The following DIP2B variants were observed in gnomAD, a reference collection of about 807,000 sequenced individuals.
DIP2B encodes the protein disco-interacting protein 2 homolog B.
A neutral mutation model predicts 198.0 loss-of-function variants in DIP2B; 76 were observed. That is an observed-to-expected ratio of 0.38 (90% CI 0.32 to 0.46). The LOEUF (loss-of-function observed/expected upper bound fraction) is 0.46. DIP2B is among the 20% of genes least tolerant of loss of function. The probability of loss-of-function intolerance (pLI) is 0.99; values close to 1 mark genes in which losing one functional copy is unlikely to be tolerated. For synonymous variants in DIP2B, 701 were observed against 739.1 expected (o/e 0.95, Z 0.84); for missense variants, 1,559 against 1,978.4 (o/e 0.79, Z 4.02).
chr12:50,544,066 A>G (rs1565819198), intron 1 of DIP2B, among the ~76,000 whole-genome samples: 2 of 150,728 alleles, frequency 1.3e-5, no homozygotes, highest in Non-Finnish European at 3.0e-5. Context: ...CGTCTCTACT[A>G]AAATACAAAA....
chr12:50,610,328 T>G (rs1357638955), intron 1 of DIP2B, among the ~76,000 whole-genome samples: 1 of 152,090 alleles, frequency 6.6e-6, no homozygotes, highest in Admixed American at 6.6e-5. Flanking sequence ...TAATTGCTAG[T>G]TTTGATTGTG....
intron 4 of DIP2B, among the ~76,000 whole-genome samples, chr12:50,667,576 C>T (rs1938777564): frequency 6.6e-6 from 1 of 152,136 alleles, no homozygotes; most frequent in South Asian, 2.1e-4. Flanking sequence ...ACTACATAAT[C>T]GTCTTTTAAC....
Position 50,557,974 on chromosome 12 carries a change from AT to A in DIP2B, c.100+52735del, listed in dbSNP as rs756469619. ...TTAGCCTATGTAACAGAGAGACCCC[AT>A]CTCTATAAAAAACAAAAAATAAGGA... On this transcript the variant is annotated intron_variant, in intron 1 of 37. Transcript: ENST00000301180. Among the ~76,000 whole-genome samples, 163 of 152,222 alleles carry A rather than the reference AT, an allele frequency of 1.1e-3. 1 individual carries two copies. The highest frequency in any genetic ancestry group is 2.1e-3 in the Admixed American group (32 of 15,282).
Position 50,596,541 on chromosome 12 carries a change from A to C in DIP2B, c.101-29435A>C, listed in dbSNP as rs541077682. On this transcript the variant is annotated intron_variant, in intron 1 of 37. Transcript: ENST00000301180. ...GGTTGACCTGGTTTGGATGATCCTA[A>C]AAGAGACAGTTTTCAAGTGGAATTA... Among the ~76,000 whole-genome samples, 3 of 152,290 alleles carry C rather than the reference A, an allele frequency of 2.0e-5. No homozygotes were observed. The East Asian group carries it at 5.8e-4, about 29-fold the overall frequency.
chr12:50,602,376 C>T (rs911841323), intron 1 of DIP2B, among the ~76,000 whole-genome samples: 6 of 152,128 alleles, frequency 3.9e-5, no homozygotes, highest in Non-Finnish European at 5.9e-5. Flanking sequence ...TCAAGCCATC[C>T]TCCCACCTCA....
At chr12:50,613,026 C>G (rs150290853) in intron 1 of DIP2B, among the ~76,000 whole-genome samples, 1 of 152,230 alleles carries the variant, frequency 6.6e-6, no homozygotes, top group Non-Finnish European at 1.5e-5. Flanking sequence ...ATGTGCCTCC[C>G]GTTACTGTAG....
intron 1 of DIP2B, among the ~76,000 whole-genome samples, chr12:50,593,890 C>T (rs1290426735): frequency 3.1e-5 from 1 of 32,494 alleles, no homozygotes; most frequent in African/African-American, 1.5e-4. Flanking sequence ...CCCTCTCCTC[C>T]CCTCCCCTCT....
chr12:50,529,349 GA>G (rs1958195684), intron 1 of DIP2B, among the ~76,000 whole-genome samples: 1 of 152,158 alleles, frequency 6.6e-6, no homozygotes, highest in Non-Finnish European at 1.5e-5. Context: ...TGTCATAAGG[GA>G]GACATGTTCA....
At chr12:50,743,571 T>G (rs1223804223) in intron 37 of DIP2B, 1 of 152,164 alleles carries the variant, frequency 6.6e-6, no homozygotes, top group East Asian at 1.9e-4. Context: ...TGCCTTAGGG[T>G]GGTCTGAAGG....
intron 2 of DIP2B, among the ~76,000 whole-genome samples, chr12:50,628,134 G>C (rs1351577355): frequency 6.6e-6 from 1 of 152,176 alleles, no homozygotes; most frequent in African/African-American, 2.4e-5. Context: ...ACTTTGGGAG[G>C]CCGAGGCGGG....
intron 4 of DIP2B, among the ~76,000 whole-genome samples, chr12:50,669,436 T>C (rs1384256574): frequency 1.3e-5 from 2 of 152,134 alleles, no homozygotes; most frequent in East Asian, 3.9e-4. Context: ...TTTGTTTTTG[T>C]TTTTGAAATG....
chr12:50,689,401 A>G (rs569433013), intron 12 of DIP2B, among the ~76,000 whole-genome samples: 192 of 152,296 alleles, frequency 1.3e-3, no homozygotes, highest in African/African-American at 4.5e-3. Flanking sequence ...GACCGGCTTT[A>G]CAGTTATTCA....
chr12:50,572,965 CT>C, intron 1 of DIP2B, among the ~76,000 whole-genome samples: 1 of 152,286 alleles, frequency 6.6e-6, no homozygotes, highest in Middle Eastern at 3.4e-3. Flanking sequence ...AGCATCTTGG[CT>C]AGAGTGTGCT....
At chr12:50,722,144 T>C (rs1332202985) in intron 26 of DIP2B, among the ~76,000 whole-genome samples, 9 of 152,170 alleles carry the variant, frequency 5.9e-5, no homozygotes, top group Non-Finnish European at 1.5e-5. Flanking sequence ...TATTGGAGTT[T>C]TCCCTTCATT....
In DIP2B at chr12:50,582,175, G is replaced by A. The variant is rs576457994; in HGVS notation, c.101-43801G>A. 1.8e-3 allele frequency among the ~76,000 whole-genome samples: 208 copies of A among 116,802 alleles called. 7 individuals are homozygous for A. The South Asian group carries it at 0.053, about 30-fold the overall frequency. 76.6% of individuals were successfully genotyped at this position (116,802 alleles called of 152,430 possible). ...TTTTTTTTTTTTTTTTTTTTGAGTG[G>A]AGTTTCGTTCTTTTTGTCCAGGCTG... On this transcript the variant is annotated intron_variant, in intron 1 of 37. Coordinates refer to ENST00000301180, the MANE Select transcript of DIP2B (RefSeq NM_173602.3).
intron 1 of DIP2B, among the ~76,000 whole-genome samples, chr12:50,526,626 CTTTTTT>C (rs11423846): frequency 3.3e-4 from 21 of 64,178 alleles, no homozygotes; most frequent in African/African-American, 7.0e-4. Context: ...TTTCCTCTGC[CTTTTTT>C]TTTTTTTTTT....
At chr12:50,669,931 GA>G (rs1385427694) in intron 4 of DIP2B, among the ~76,000 whole-genome samples, 1 of 152,170 alleles carries the variant, frequency 6.6e-6, no homozygotes, top group African/African-American at 2.4e-5. Flanking sequence ...ACTAACCACA[GA>G]ATGTTTAATT....
intron 1 of DIP2B, among the ~76,000 whole-genome samples, chr12:50,594,966 C>T (rs1322540634): frequency 1.3e-5 from 2 of 152,146 alleles, no homozygotes; most frequent in Non-Finnish European, 2.9e-5. Context: ...CCAAGATTCA[C>T]CTTTTTGCAT....
intron 1 of DIP2B, among the ~76,000 whole-genome samples, chr12:50,510,467 C>T (rs1717972904): frequency 6.6e-6 from 1 of 152,184 alleles, no homozygotes; most frequent in African/African-American, 2.4e-5. Context: ...CTTAGCACTT[C>T]AGGGTTGAAA....
Sources: allele counts gnomAD v4.1 joint callset (sites outside exome capture counted in the v4.1 genomes callset), GRCh38; gene constraint gnomAD v4.1.1; transcripts MANE v1.5; gene names NCBI Gene and HGNC (gene_info 2026-07-23, HGNC 2026-07-21).